The following SLC35F3 variants were observed in gnomAD, a reference collection of about 807,000 sequenced individuals.
SLC35F3 encodes putative thiamine transporter SLC35F3.
In SLC35F3, 25 loss-of-function variants were observed where a neutral mutation model predicts 49.9. That is an observed-to-expected ratio of 0.50 (90% CI 0.37 to 0.70). SLC35F3 has a LOEUF of 0.70. Among genes scored for constraint, SLC35F3 ranks in the 30% least tolerant of loss-of-function variants. The probability of loss-of-function intolerance (pLI) is 0.00; values close to 1 mark genes in which losing one functional copy is unlikely to be tolerated. For missense variants in SLC35F3, 525 were observed against 639.8 expected, an observed-to-expected ratio of 0.82 and a Z score of 1.94; for synonymous variants, 275 against 265.4, an observed-to-expected ratio of 1.04 and a Z score of -0.35.
chr1:234,093,824 G>A (rs1041999746), intron 2 of SLC35F3, among the ~76,000 whole-genome samples: 1 of 152,244 alleles, frequency 6.6e-6, no homozygotes, highest in Non-Finnish European at 1.5e-5. Flanking sequence ...GTTACCCTAT[G>A]TCTTGCCATT....
intron 2 of SLC35F3, among the ~76,000 whole-genome samples, chr1:233,915,580 A>C (rs544414708): frequency 2.4e-4 from 37 of 152,192 alleles, no homozygotes; most frequent in Non-Finnish European, 4.8e-4. Context: ...TTCTAAAAGA[A>C]AAAAAGGAAT....
At chr1:234,126,248 G>C (rs1184646244) in intron 2 of SLC35F3, among the ~76,000 whole-genome samples, 1 of 152,090 alleles carries the variant, frequency 6.6e-6, no homozygotes, top group Admixed American at 6.5e-5. Context: ...CTCCCCACCA[G>C]CCAAATCCAG....
chr1:234,019,219 A>G (rs1409784672), intron 2 of SLC35F3, among the ~76,000 whole-genome samples: 1 of 152,164 alleles, frequency 6.6e-6, no homozygotes, highest in Non-Finnish European at 1.5e-5. Flanking sequence ...TGAGATGATC[A>G]CATGTCAGGA....
intron 2 of SLC35F3, among the ~76,000 whole-genome samples, chr1:233,979,081 A>G (rs1476138658): frequency 6.7e-6 from 1 of 149,304 alleles, no homozygotes; most frequent in Non-Finnish European, 1.5e-5. Flanking sequence ...CAAAAAAACA[A>G]AAAAGAAAAA....
chr1:234,292,014 C>T (rs987401679), intron 3 of SLC35F3, among the ~76,000 whole-genome samples: 22 of 152,174 alleles, frequency 1.4e-4, no homozygotes, highest in African/African-American at 5.3e-4. Context: ...TAGCTCACCA[C>T]GCCTGGACTG....
At chr1:234,080,913 G>A (rs977268517) in intron 2 of SLC35F3, among the ~76,000 whole-genome samples, 8 of 152,100 alleles carry the variant, frequency 5.3e-5, no homozygotes, top group African/African-American at 1.9e-4. Flanking sequence ...TTTATGTTAT[G>A]TGGATTTTTA....
At chr1:233,985,253 G>A (rs1291854483) in intron 2 of SLC35F3, among the ~76,000 whole-genome samples, 1 of 152,182 alleles carries the variant, frequency 6.6e-6, no homozygotes, top group Admixed American at 6.5e-5. Context: ...TGAAATAATA[G>A]CGTTTACCAA....
intron 2 of SLC35F3, among the ~76,000 whole-genome samples, chr1:234,154,876 G>T (rs926231835): frequency 1.3e-5 from 2 of 152,112 alleles, no homozygotes; most frequent in Non-Finnish European, 2.9e-5. Context: ...CCACCAGGGG[G>T]AGAGATAAGC....
intron 2 of SLC35F3, among the ~76,000 whole-genome samples, chr1:234,072,630 G>A (rs78043250): frequency 6.6e-6 from 1 of 152,292 alleles, no homozygotes; most frequent in Admixed American, 6.5e-5. Flanking sequence ...AGAGAAAGGG[G>A]TGGGGGGCTG....
chr1:234,310,593 G>A (rs977031035), intron 4 of SLC35F3, among the ~76,000 whole-genome samples: 1 of 152,194 alleles, frequency 6.6e-6, no homozygotes, highest in Non-Finnish European at 1.5e-5. Context: ...CCAGCAGGCT[G>A]CCTGACTCGA....
intron 3 of SLC35F3, among the ~76,000 whole-genome samples, chr1:234,295,230 G>A (rs970485740): frequency 4.6e-5 from 7 of 152,228 alleles, no homozygotes; most frequent in Non-Finnish European, 8.8e-5. Flanking sequence ...CATGAGTGAC[G>A]AAGGGACTAC....
chr1:234,115,546 C>A (rs1665472881), intron 2 of SLC35F3, among the ~76,000 whole-genome samples: 1 of 152,108 alleles, frequency 6.6e-6, no homozygotes, highest in African/African-American at 2.4e-5. Context: ...ATAAAGTAAA[C>A]CTAAGATCTA....
At position 234,097,946 on chromosome 1, in the gene SLC35F3, G is replaced by A. The variant is rs563786966; in HGVS notation, c.284-133471G>A. On this transcript the variant is annotated intron_variant, in intron 2 of 7. Transcript: ENST00000366618. ...GTAGTGATGGTGTTATAGGGTGATG[G>A]TGGAGGTGGTGACTGTGTTGGTGGT... 3.0e-3 allele frequency among the ~76,000 whole-genome samples: 450 copies of A among 151,372 alleles called. 1 individual carries two copies. The highest frequency in any genetic ancestry group is 0.01 in the African/African-American group (426 of 41,218).
intron 2 of SLC35F3, among the ~76,000 whole-genome samples, chr1:234,166,728 G>A (rs981735677): frequency 2.6e-5 from 4 of 152,236 alleles, no homozygotes; most frequent in Admixed American, 2.0e-4. Context: ...AATGCTGTGC[G>A]GATTGCACTA....
intron 2 of SLC35F3, among the ~76,000 whole-genome samples, chr1:233,979,698 C>A (rs1442044847): frequency 1.3e-5 from 2 of 152,210 alleles, no homozygotes; most frequent in African/African-American, 2.4e-5. Flanking sequence ...ACTTTCACTT[C>A]TTGCTCCTGG....
intron 2 of SLC35F3, among the ~76,000 whole-genome samples, chr1:233,973,440 T>G (rs1220590120): frequency 1.3e-5 from 2 of 152,166 alleles, no homozygotes; most frequent in South Asian, 2.1e-4. Context: ...TATTGCAAAA[T>G]GGAGTCTGAT....
chr1:234,190,153 A>T (rs1405565522), intron 2 of SLC35F3, among the ~76,000 whole-genome samples: 1 of 152,202 alleles, frequency 6.6e-6, no homozygotes, highest in African/African-American at 2.4e-5. Context: ...CAACAAAAAC[A>T]CACACAAAAA....
At chr1:234,267,564 C>A (rs1291726175) in intron 3 of SLC35F3, among the ~76,000 whole-genome samples, 1 of 150,266 alleles carries the variant, frequency 6.7e-6, no homozygotes, top group Non-Finnish European at 1.5e-5. Context: ...GGGGTCCTCA[C>A]TTCCCAGTAG....
rs562140417 is a variant in SLC35F3 at position 234,320,853 on chromosome 1, T to C, written c.1237+666T>C. On this transcript the variant is annotated intron_variant, in intron 7 of 7. Transcript: ENST00000366618. This position sits in a 1 kb window ranked among gnomAD's most constrained non-coding sequence, Gnocchi z 4.8. ...CCTTCCTTTTCCTGGCTCGCACGGA[T>C]AGGAATTTTGGATTTTCTTCCCAGA... Among the ~76,000 whole-genome samples, 151 of 152,188 alleles carry C rather than the reference T, an allele frequency of 9.9e-4. No individual in the cohort carries two copies. The highest frequency in any genetic ancestry group is 3.2e-3 in the African/African-American group (134 of 41,532).
Sources: gnomAD v4.1 joint callset for allele counts (sites outside exome capture counted in the v4.1 genomes callset) on GRCh38, gnomAD v4.1.1 for gene constraint, Gnocchi (gnomAD v3.1) non-coding constraint, MANE v1.5 for transcripts, NCBI Gene and HGNC (gene_info 2026-07-23, HGNC 2026-07-21) for gene names.